The following PDE4D variants were observed in gnomAD, a reference collection of about 807,000 sequenced individuals.
The protein encoded by PDE4D is phosphodiesterase 4D.
PDE4D carries 24 observed loss-of-function variants against 87.4 expected under a neutral mutation model. The observed-to-expected ratio is 0.27, with a 90% CI of 0.20 to 0.39. The LOEUF (loss-of-function observed/expected upper bound fraction) is 0.39, where lower values mean the gene tolerates loss of function less well. Among genes scored for constraint, PDE4D ranks in the 10% least tolerant of loss-of-function variants. The pLI is 1.00. For synonymous variants in PDE4D, 384 were observed against 383.2 expected (o/e 1.00, Z -0.02); for missense variants, 714 against 1,041.0 (o/e 0.69, Z 4.32).
At chr5:60,258,990 G>T (rs1020595432) in intron 1 of PDE4D, among the ~76,000 whole-genome samples, 49 of 151,964 alleles carry the variant, frequency 3.2e-4, no homozygotes, top group Admixed American at 6.6e-4. Context: ...CTTTGGTAGT[G>T]AAATGATAGG....
intron 1 of PDE4D, among the ~76,000 whole-genome samples, chr5:59,691,183 A>G (rs1366211232): frequency 6.6e-6 from 1 of 152,226 alleles, no homozygotes; most frequent in Non-Finnish European, 1.5e-5. Flanking sequence ...AGGATCTTGA[A>G]CTAGAAATAC....
intron 1 of PDE4D, among the ~76,000 whole-genome samples, chr5:59,733,721 C>T (rs963165029): frequency 2.7e-5 from 4 of 150,748 alleles, no homozygotes; most frequent in African/African-American, 9.9e-5. Context: ...GTAATAGCAT[C>T]CATATTACCA....
intron 1 of PDE4D, among the ~76,000 whole-genome samples, chr5:59,612,754 G>A (rs1829167227): frequency 1.3e-5 from 2 of 152,162 alleles, no homozygotes; most frequent in South Asian, 4.2e-4. Context: ...ATGGAAAGAG[G>A]TGAGGAAAGA....
At chr5:59,379,208 A>G (rs1033865827) in intron 1 of PDE4D, among the ~76,000 whole-genome samples, 1 of 152,142 alleles carries the variant, frequency 6.6e-6, no homozygotes, top group African/African-American at 2.4e-5. Context: ...TCTGCGTAAC[A>G]ATCAATAATT....
chr5:59,306,027 T>A (rs1771276493), intron 1 of PDE4D, among the ~76,000 whole-genome samples: 1 of 152,200 alleles, frequency 6.6e-6, no homozygotes, highest in Admixed American at 6.5e-5. Flanking sequence ...GTCTATCTCA[T>A]TTCTTAGGTC....
intron 1 of PDE4D, among the ~76,000 whole-genome samples, chr5:59,661,738 T>C (rs180820697): frequency 6.6e-6 from 1 of 152,350 alleles, no homozygotes; most frequent in Admixed American, 6.5e-5. Context: ...TCTTGCATTC[T>C]TTATGGGTTT....
intron 1 of PDE4D, among the ~76,000 whole-genome samples, chr5:59,403,374 G>T (rs928240699): frequency 2.0e-5 from 3 of 152,088 alleles, no homozygotes; most frequent in African/African-American, 7.2e-5. Flanking sequence ...ACCCTGTTGA[G>T]CTATCAAATA....
At chr5:60,376,542 T>C (rs1273160653) in intron 1 of PDE4D, among the ~76,000 whole-genome samples, 2 of 152,182 alleles carry the variant, frequency 1.3e-5, no homozygotes, top group African/African-American at 2.4e-5. Context: ...TTTCCAAAGA[T>C]ATCAATCTGC....
At position 60,440,491 on chromosome 5, in the gene PDE4D, T is replaced by C. The variant is rs181207428; in HGVS notation, c.-90+47451A>G. Among the ~76,000 whole-genome samples the C allele has an allele frequency of 1.9e-4, 29 of 152,054 alleles. No homozygotes were observed. In the East Asian group the frequency reaches 5.4e-3, roughly 28 times the overall value. On this transcript the variant is annotated intron_variant, in intron 1 of 16. Transcript: ENST00000502484. ...TGTGAAATTTCAGAAACATAAACAA[T>C]CCTGGTATGATAGGTGAAGGATCGT...
intron 6 of PDE4D, among the ~76,000 whole-genome samples, chr5:59,033,218 T>C (rs1233280332): frequency 6.6e-6 from 1 of 152,214 alleles, no homozygotes; most frequent in East Asian, 1.9e-4. Context: ...CGCAGCAGAA[T>C]TGTTTGTTGT....
intron 2 of PDE4D, among the ~76,000 whole-genome samples, chr5:60,054,537 G>A (rs997673387): frequency 6.6e-6 from 1 of 152,058 alleles, no homozygotes; most frequent in South Asian, 2.1e-4. Context: ...GTCGGTGGGT[G>A]GAGACTAGGG....
chr5:59,921,009 T>C (rs534786052), intron 3 of PDE4D, among the ~76,000 whole-genome samples: 2 of 152,220 alleles, frequency 1.3e-5, no homozygotes, highest in South Asian at 2.1e-4. Flanking sequence ...GAACTTAAAG[T>C]ATATTAAAAA....
At position 59,727,186 on chromosome 5, in the gene PDE4D, G is replaced by A. The variant is rs1580710757; in HGVS notation, c.455+165982C>T. 2.6e-5 allele frequency among the ~76,000 whole-genome samples: 4 copies of A among 152,174 alleles called. 1 individual carries two copies. The highest frequency in any genetic ancestry group is 9.6e-5 in the African/African-American group (4 of 41,536). Reference sequence around the variant, plus strand: ...AATAGCCTCCTGACATTTTTACTTAGAGAGACTAATTTAGCAGGCATCTAA... The same window carrying A: ...AATAGCCTCCTGACATTTTTACTTAAAGAGACTAATTTAGCAGGCATCTAA... On this transcript the variant is annotated intron_variant, in intron 1 of 14. Transcript: ENST00000340635.
At chr5:59,932,960 G>GAAATCTCTC (rs1756138797) in intron 3 of PDE4D, among the ~76,000 whole-genome samples, 1 of 152,150 alleles carries the variant, frequency 6.6e-6, no homozygotes, top group African/African-American at 2.4e-5. Context: ...TAGAAATGGT[G>GAAATCTCTC]AAATCTCCCT....
At chr5:59,697,884 A>G (rs1752012730) in intron 1 of PDE4D, among the ~76,000 whole-genome samples, 1 of 152,180 alleles carries the variant, frequency 6.6e-6, no homozygotes, top group Non-Finnish European at 1.5e-5. Flanking sequence ...CCTTGGTCCT[A>G]CTTGATGTAA....
chr5:59,865,285 T>C (rs1354360863), intron 1 of PDE4D, among the ~76,000 whole-genome samples: 1 of 152,214 alleles, frequency 6.6e-6, no homozygotes, highest in African/African-American at 2.4e-5. Context: ...GTCTCACCTG[T>C]TTTTCGAAAA....
At chr5:59,618,061 A>G (rs959420905) in intron 1 of PDE4D, among the ~76,000 whole-genome samples, 3 of 151,974 alleles carry the variant, frequency 2.0e-5, no homozygotes, top group African/African-American at 7.2e-5. Context: ...TCCTTCAACA[A>G]TCATTGAGAG....
At chr5:59,204,882 C>T (rs1227256946) in intron 2 of PDE4D, among the ~76,000 whole-genome samples, 1 of 152,160 alleles carries the variant, frequency 6.6e-6, no homozygotes, top group East Asian at 1.9e-4. Context: ...TGAAAAGATT[C>T]AATAGATTAA....
In PDE4D at chr5:60,521,838, A is replaced by G. The variant is rs1056449748; in HGVS notation, n.70+213T>C. On this transcript the variant is annotated intron_variant and non_coding_transcript_variant, in intron 1 of 2. Transcript: ENST00000506510. Reference sequence around the variant, plus strand: ...ACTGTCAAAGGGAGAAGACATTGGAATCTCCAAATCTGGCCAAGAGCTCAG... The same window carrying G: ...ACTGTCAAAGGGAGAAGACATTGGAGTCTCCAAATCTGGCCAAGAGCTCAG... The G allele has an allele frequency of 4.6e-5, 7 of 152,206 alleles. No homozygotes were observed. The South Asian group carries it at 1.0e-3, about 23-fold the overall frequency. The allele number at this position is 152,206 out of a possible 1,614,324, so 9.4% of individuals were successfully genotyped here. A position where few individuals can be genotyped will look rare whatever the true frequency, so the allele number is the denominator to read the frequency against.
Sources: allele counts gnomAD v4.1 joint callset (sites outside exome capture counted in the v4.1 genomes callset), GRCh38; gene constraint gnomAD v4.1.1; transcripts MANE v1.5; gene names NCBI Gene and HGNC (gene_info 2026-07-23, HGNC 2026-07-21).